The following WWOX variants were observed in gnomAD, a reference collection of about 807,000 sequenced individuals.
WWOX encodes WW domain-containing oxidoreductase.
A neutral mutation model predicts 46.2 loss-of-function variants in WWOX; 69 were observed. The ratio of observed to expected loss-of-function variants is 1.49; its 90% confidence interval spans 1.23 to 1.82. The LOEUF is 1.82. Ranked by LOEUF, WWOX falls within the 40% of genes most tolerant of loss-of-function variation. WWOX has a pLI of 0.00. For synonymous variants in WWOX, 359 were observed against 202.6 expected, an observed-to-expected ratio of 1.77 and a Z score of -6.56; for missense variants, 919 against 542.6, an observed-to-expected ratio of 1.69 and a Z score of -6.89.
intron 5 of WWOX, among the ~76,000 whole-genome samples, chr16:78,333,767 C>G (rs973727863): frequency 1.3e-5 from 2 of 152,012 alleles, no homozygotes; most frequent in Non-Finnish European, 2.9e-5. Context: ...CAAACGTGAC[C>G]CAAAGTTTTG....
chr16:79,021,376 A>G (rs1013774142), intron 8 of WWOX, among the ~76,000 whole-genome samples: 2 of 151,990 alleles, frequency 1.3e-5, no homozygotes, highest in Non-Finnish European at 2.9e-5. Flanking sequence ...TGTGTCACGG[A>G]CCCCTTGGGC....
At chr16:78,278,531 G>C (rs563790329) in intron 5 of WWOX, 3 of 1,426,068 alleles carry the variant, frequency 2.1e-6, no homozygotes, top group Non-Finnish European at 2.9e-6. Flanking sequence ...TCTTTGGAAT[G>C]CTTCAAGAAA....
At chr16:79,072,446 C>G (rs925840018) in intron 8 of WWOX, among the ~76,000 whole-genome samples, 1 of 152,260 alleles carries the variant, frequency 6.6e-6, no homozygotes, top group Middle Eastern at 3.4e-3. Flanking sequence ...TGCTACTTTG[C>G]AACATAGACT....
chr16:78,485,762 G>A (rs1204633838), intron 8 of WWOX, among the ~76,000 whole-genome samples: 5 of 152,184 alleles, frequency 3.3e-5, no homozygotes, highest in Middle Eastern at 3.2e-3. Context: ...GCTTTTCCAA[G>A]GATCCCTCTC....
intron 8 of WWOX, among the ~76,000 whole-genome samples, chr16:78,798,114 G>T (rs897884802): frequency 1.3e-5 from 2 of 152,200 alleles, no homozygotes; most frequent in South Asian, 4.1e-4. Flanking sequence ...GCTTGCTCAT[G>T]TTATATAGGG....
At chr16:78,668,945 A>T (rs2047396187) in intron 8 of WWOX, among the ~76,000 whole-genome samples, 1 of 152,120 alleles carries the variant, frequency 6.6e-6, no homozygotes, top group South Asian at 2.1e-4. Context: ...AAAGGGAGAG[A>T]TTTAATAAAG....
At chr16:78,994,932 G>C (rs1185655539) in intron 8 of WWOX, among the ~76,000 whole-genome samples, 2 of 147,934 alleles carry the variant, frequency 1.4e-5, no homozygotes, top group South Asian at 2.2e-4. Flanking sequence ...TGAGGTGCAA[G>C]CCTTTTTTTT....
chr16:79,066,391 A>G (rs28697115), intron 8 of WWOX, among the ~76,000 whole-genome samples: 3,969 of 152,264 alleles, frequency 0.026, 64 homozygotes, highest in Middle Eastern at 0.051. Context: ...CTGGGAAGGA[A>G]TCTGCCTTCG....
intron 8 of WWOX, among the ~76,000 whole-genome samples, chr16:78,789,071 G>A (rs899409751): frequency 6.6e-6 from 1 of 152,114 alleles, no homozygotes; most frequent in South Asian, 2.1e-4. Context: ...AACAACAAAA[G>A]TTTGGGTGTT....
rs73573726 is a variant in WWOX, at chr16:78,757,109, G to C, written c.1056+324357G>C. 3,848 of 690,944 alleles carry C rather than the reference G, an allele frequency of 5.6e-3. 59 individuals are homozygous for C. Among genetic ancestry groups the C allele is most frequent in the African/African-American group, 0.034 (1,958 of 56,830 alleles). 42.8% of individuals were successfully genotyped at this position (690,944 alleles called of 1,614,324 possible). Reference sequence around the variant, plus strand: ...TGCAATCTTGACTGGAACTTTATTTGAGCCCCTATCTAGAACCACCGAGCT... The same window carrying C: ...TGCAATCTTGACTGGAACTTTATTTCAGCCCCTATCTAGAACCACCGAGCT... On this transcript the variant is annotated intron_variant, in intron 8 of 8. Coordinates refer to ENST00000566780, the MANE Select transcript of WWOX (RefSeq NM_016373.4).
chr16:78,835,083 G>A (rs2051941526), intron 8 of WWOX, among the ~76,000 whole-genome samples: 1 of 152,090 alleles, frequency 6.6e-6, no homozygotes. Context: ...AGGTGGAGGA[G>A]GAAGCTCCAA....
chr16:78,201,626 C>G (rs1384913776), intron 5 of WWOX, among the ~76,000 whole-genome samples: 1 of 152,156 alleles, frequency 6.6e-6, no homozygotes, highest in African/African-American at 2.4e-5. Context: ...TTAAGCTCAT[C>G]TTTACCCCTC....
rs373820855 is a variant in WWOX at position 79,091,782 on chromosome 16, T to C, written c.1057-119826T>C. On this transcript the variant is annotated intron_variant, in intron 8 of 8. Coordinates refer to ENST00000566780, the MANE Select transcript of WWOX (RefSeq NM_016373.4). ...ATCTTTTTCTTTTCTTTTCTTTGTT[T>C]TTTTTTTTTTTTTTTTTGAGACGGA... 1.5e-4 allele frequency among the ~76,000 whole-genome samples: 21 copies of C among 140,840 alleles called. 1 individual carries two copies. Among genetic ancestry groups the C allele is most frequent in the African/African-American group, 5.6e-4 (21 of 37,824 alleles). The allele number at this position is 140,840 out of a possible 152,430, so 92.4% of individuals were successfully genotyped here.
chr16:78,789,714 T>A (rs1347069055), intron 8 of WWOX, among the ~76,000 whole-genome samples: 2 of 152,204 alleles, frequency 1.3e-5, no homozygotes, highest in African/African-American at 4.8e-5. Context: ...GCTTGCATAT[T>A]TTTTGAACAG....
intron 8 of WWOX, among the ~76,000 whole-genome samples, chr16:79,141,120 T>C (rs1321679226): frequency 1.3e-5 from 2 of 152,188 alleles, no homozygotes; most frequent in East Asian, 3.9e-4. Context: ...GTCACCCCTC[T>C]GTTCACTGAG....
intron 8 of WWOX, among the ~76,000 whole-genome samples, chr16:78,948,665 C>T (rs927902042): frequency 6.6e-6 from 1 of 152,042 alleles, no homozygotes; most frequent in Non-Finnish European, 1.5e-5. Flanking sequence ...CCAGCAGTTC[C>T]AGCCCCTATG....
At chr16:78,222,868 C>T (rs1052310074) in intron 5 of WWOX, among the ~76,000 whole-genome samples, 5 of 152,228 alleles carry the variant, frequency 3.3e-5, no homozygotes, top group African/African-American at 2.4e-5. Context: ...GATCTTCCCG[C>T]TCGCTGTGGA....
At chr16:79,150,697 G>A (rs58899548) in intron 8 of WWOX, among the ~76,000 whole-genome samples, 11,891 of 152,092 alleles carry the variant, frequency 0.078, 1,116 homozygotes, top group African/African-American at 0.23. Flanking sequence ...CGTTGCCCAG[G>A]CCACCGTTTA....
chr16:78,733,591 C>CA (rs534567004), intron 8 of WWOX, among the ~76,000 whole-genome samples: 9,145 of 135,134 alleles, frequency 0.068, 420 homozygotes, highest in Admixed American at 0.16. Flanking sequence ...ACTGAAAATA[C>CA]AAAAAAAAAA....
Sources: allele counts gnomAD v4.1 joint callset (sites outside exome capture counted in the v4.1 genomes callset), GRCh38; gene constraint gnomAD v4.1.1; transcripts MANE v1.5; gene names NCBI Gene and HGNC (gene_info 2026-07-23, HGNC 2026-07-21).